ST3GAL2: variants seen among roughly 807,000 people sequenced by gnomAD.
ST3GAL2 encodes CMP-N-acetylneuraminate-beta-galactosamide-alpha-2,3-sialyltransferase 2.
In ST3GAL2, 16 loss-of-function variants were observed where a neutral mutation model predicts 37.5. That is an observed-to-expected ratio of 0.43 (90% CI 0.29 to 0.65). The LOEUF (loss-of-function observed/expected upper bound fraction) is 0.65, where lower values mean the gene tolerates loss of function less well. Ranked by LOEUF, ST3GAL2 falls within the 30% of genes least tolerant of loss-of-function variation. The pLI is 0.17. For synonymous variants in ST3GAL2, 238 were observed against 202.9 expected (o/e 1.17, Z -1.47); for missense variants, 383 against 487.8 (o/e 0.79, Z 2.02).
chr16:70,433,580 C>G (rs1443883494), intron 1 of ST3GAL2, among the ~76,000 whole-genome samples: 1 of 152,142 alleles, frequency 6.6e-6, no homozygotes, highest in Non-Finnish European at 1.5e-5. Context: ...CAACCAGACA[C>G]TTCCTCCCTC....
Position 70,388,392 on chromosome 16 carries a change from C to A in ST3GAL2, c.688G>T (p.Ala230Ser). 1 of 1,614,182 alleles carries A rather than the reference C, an allele frequency of 6.2e-7. No individual in the cohort carries two copies. Among genetic ancestry groups the A allele is most frequent in the South Asian group, 1.1e-5 (1 of 91,084 alleles). Residue 230 changes from alanine to serine, a missense_variant, in exon 4 of 7, where the codon GCC becomes TCC. Physicochemically the swap from Ala to Ser is moderately conservative, Grantham distance 99. Transcript: ENST00000342907. Reference protein sequence around the residue: ...KVLDLLWIASALSTGQIRFTY... With the variant: ...KVLDLLWIASSLSTGQIRFTY... ...AATCGGATCTGCCCCGTGGACAAGG[C>A]GCTGGCGATCCACAGAAGGTCCAGG...
intron 1 of ST3GAL2, among the ~76,000 whole-genome samples, chr16:70,408,683 TC>T (rs1365495308): frequency 6.6e-6 from 1 of 151,674 alleles, no homozygotes; most frequent in Admixed American, 6.6e-5. Context: ...TTTATATCCA[TC>T]TGAAATCTCA....
At chr16:70,408,006 C>T (rs1326105722) in intron 1 of ST3GAL2, among the ~76,000 whole-genome samples, 1 of 152,146 alleles carries the variant, frequency 6.6e-6, no homozygotes, top group Non-Finnish European at 1.5e-5. Context: ...TAAAGCCCCT[C>T]TCCACCCACT....
rs2047531294 is a variant in ST3GAL2, at chr16:70,398,324, G to A, written c.207C>T (p.Ser69=). Residue 69 remains serine (S), a synonymous_variant, in exon 2 of 7, where the codon AGC becomes AGT. Coordinates refer to ENST00000342907, the MANE Select transcript of ST3GAL2 (RefSeq NM_006927.4). The part of the protein sequence containing the change: ...RLSKERLSGK[S]CACRRCMGDA... ...CGCCCATGCAGCGGCGACAGGCACA[G>A]CTCTTGCCCGAGAGCCTCTCCTTGC... 1 of 1,613,454 alleles carries A rather than the reference G, an allele frequency of 6.2e-7. No individual in the cohort carries two copies.
intron 3 of ST3GAL2, among the ~76,000 whole-genome samples, chr16:70,389,149 G>C (rs556627124): frequency 1.8e-4 from 24 of 130,210 alleles, no homozygotes; most frequent in African/African-American, 6.8e-4. Flanking sequence ...GGAGGCCGAG[G>C]TGGGCGGATC....
chr16:70,384,397 CAT>C (rs1321891133), intron 4 of ST3GAL2, among the ~76,000 whole-genome samples: 1 of 152,204 alleles, frequency 6.6e-6, no homozygotes, highest in Non-Finnish European at 1.5e-5. Flanking sequence ...ATCCCACTTA[CAT>C]GAGGCATAAA....
At chr16:70,417,325 C>G (rs1456761643) in intron 1 of ST3GAL2, among the ~76,000 whole-genome samples, 1 of 151,996 alleles carries the variant, frequency 6.6e-6, no homozygotes. Flanking sequence ...CCCCACTTCC[C>G]ACAGGAACTC....
At chr16:70,429,484 C>A (rs74961676) in intron 1 of ST3GAL2, among the ~76,000 whole-genome samples, 1 of 149,508 alleles carries the variant, frequency 6.7e-6, no homozygotes, top group Non-Finnish European at 1.5e-5. Flanking sequence ...TCCCAGCTAG[C>A]AGGCTGAGGC....
Position 70,398,471 on chromosome 16 carries a change from CATG to C in ST3GAL2, c.57_59del (p.Ile19del), listed in dbSNP as rs1285274806. 1.2e-5 allele frequency: 20 copies of C among 1,613,396 alleles called. No individual in the cohort carries two copies. Among genetic ancestry groups the C allele is most frequent in the Admixed American group, 3.3e-5 (2 of 60,002 alleles). On this transcript the variant is annotated inframe_deletion, in exon 2 of 7. Transcript: ENST00000342907. ...GGTGCGAGTAGGTGAAGAGCAGGGA[CATG>C]ATGAACACCAGCAGGAAGGCCACGG...
intron 3 of ST3GAL2, among the ~76,000 whole-genome samples, chr16:70,392,779 G>C (rs2047490380): frequency 6.6e-6 from 1 of 152,144 alleles, no homozygotes; most frequent in Non-Finnish European, 1.5e-5. Flanking sequence ...GTCACCCCCA[G>C]TGCCATCTGT....
intron 1 of ST3GAL2, among the ~76,000 whole-genome samples, chr16:70,414,726 G>A (rs1341192246): frequency 5.3e-5 from 8 of 152,152 alleles, no homozygotes; most frequent in Non-Finnish European, 1.5e-5. Context: ...AGGCTGTAGT[G>A]CGGTAGTGTG....
chr16:70,397,498 C>T (rs1249523346), intron 2 of ST3GAL2, among the ~76,000 whole-genome samples: 1 of 151,820 alleles, frequency 6.6e-6, no homozygotes, highest in East Asian at 2.0e-4. Flanking sequence ...CTGAGGCGGG[C>T]AGATCATCTG....
chr16:70,394,881 C>T (rs141968086), intron 3 of ST3GAL2, 101 bp downstream of exon 3: 32 of 1,371,018 alleles, frequency 2.3e-5, no homozygotes, highest in Non-Finnish European at 2.8e-5. Context: ...CACAGCACAC[C>T]GGTAGCTGGC....
intron 1 of ST3GAL2, among the ~76,000 whole-genome samples, chr16:70,409,215 A>G (rs905272382): frequency 2.0e-5 from 3 of 152,184 alleles, no homozygotes; most frequent in African/African-American, 7.2e-5. Context: ...AGGCTGGATG[A>G]TCGCTTCAGT....
In ST3GAL2 at chr16:70,398,449, G is replaced by A; in HGVS notation, c.82C>T (p.His28Tyr). The change falls in exon 2 of 7, where the codon CAC (histidine) becomes TAC (tyrosine). Residue 28 changes from histidine (H) to tyrosine (Y), a missense_variant. Transcript: ENST00000342907. The stretch of plus-strand genomic sequence containing the variant: ...TAGGGGAGCGTGGCCATGCTGTGGT[G>A]CGAGTAGGTGAAGAGCAGGGACATG... ...FIMSLLFTYS[H>Y]HSMATLPYLD... The A allele has an allele frequency of 1.2e-6, 2 of 1,613,694 alleles. No homozygotes were observed. The highest frequency in any genetic ancestry group is 1.6e-4 in the Middle Eastern group (1 of 6,062).
chr16:70,427,132 A>T (rs1472237063), intron 1 of ST3GAL2, among the ~76,000 whole-genome samples: 1 of 152,064 alleles, frequency 6.6e-6, no homozygotes, highest in Non-Finnish European at 1.5e-5. Flanking sequence ...TACAGACACA[A>T]GCCACCATAC....
intron 3 of ST3GAL2, among the ~76,000 whole-genome samples, 182 bp from the exon 4 acceptor site, chr16:70,388,728 G>C (rs901940042): frequency 1.3e-5 from 2 of 152,076 alleles, no homozygotes; most frequent in Non-Finnish European, 2.9e-5. Context: ...ATGTGTATGA[G>C]GATATTCACT....
At chr16:70,415,125 C>T (rs2047667019) in intron 1 of ST3GAL2, among the ~76,000 whole-genome samples, 1 of 152,178 alleles carries the variant, frequency 6.6e-6, no homozygotes, top group African/African-American at 2.4e-5. Context: ...CCACCTGCCT[C>T]GGCCTCCCAA....
At chr16:70,431,355 A>G (rs924242918) in intron 1 of ST3GAL2, among the ~76,000 whole-genome samples, 1 of 152,218 alleles carries the variant, frequency 6.6e-6, no homozygotes, top group African/African-American at 2.4e-5. Context: ...GCCTGCCCGC[A>G]GGGCTAGGAC....
Sources: allele counts gnomAD v4.1 joint callset (sites outside exome capture counted in the v4.1 genomes callset), GRCh38; gene constraint gnomAD v4.1.1; transcripts MANE v1.5; gene names NCBI Gene and HGNC (gene_info 2026-07-23, HGNC 2026-07-21).